MYADM: variants seen among roughly 807,000 people sequenced by gnomAD.
MYADM encodes the protein myeloid-associated differentiation marker.
For synonymous variants in MYADM, 224 were observed against 210.2 expected, an observed-to-expected ratio of 1.07 and a Z score of -0.57; for missense variants, 416 against 443.4, an observed-to-expected ratio of 0.94 and a Z score of 0.56.
At position 53,875,403 on chromosome 19, in the gene MYADM, C is replaced by G. The variant is rs527342689; in HGVS notation, c.*905C>G. 1 of 166,832 alleles carries G rather than the reference C, an allele frequency of 6.0e-6. No individual in the cohort carries two copies. The allele number at this position is 166,832 out of a possible 1,614,324, so 10.3% of individuals were successfully genotyped here. On this transcript the variant is annotated 3_prime_UTR_variant, in exon 3 of 3. Transcript: ENST00000391770. ...GCACCGACCCTGGGTCCCTAGGCCC[C>G]GCCTGGCACTCAGCCTTGCCAGAGA...
rs899769786 is a variant in MYADM at position 53,874,449 on chromosome 19, A to G, written c.920A>G (p.Tyr307Cys). 2 of 1,613,674 alleles carry G rather than the reference A, an allele frequency of 1.2e-6. No homozygotes were observed. The highest frequency in any genetic ancestry group is 1.7e-6 in the Non-Finnish European group (2 of 1,179,764). Residue 307 changes from tyrosine (Y) to cysteine (C), a missense_variant, in exon 3 of 3, where the codon TAT (tyrosine) becomes TGT (cysteine). Physicochemically the swap from Tyr to Cys is radical, Grantham distance 194 (BLOSUM62 -2). Coordinates refer to ENST00000391770, the MANE Select transcript of MYADM (RefSeq NM_138373.5). Reference sequence around the variant, plus strand: ...CTGACGGCCATCAACCTACTGGCGTATGTGGCTGACCTGGTGCACTCTGCC... The same window carrying G: ...CTGACGGCCATCAACCTACTGGCGTGTGTGGCTGACCTGGTGCACTCTGCC... ...AILTAINLLA[Y>C]VADLVHSAHL...
In MYADM at chr19:53,873,481, C is replaced by G. The variant is rs1438375726; in HGVS notation, c.-2-47C>G. The G allele has an allele frequency of 2.0e-6, 3 of 1,529,952 alleles. No individual in the cohort carries two copies. The African/African-American group carries it at 4.2e-5, about 21-fold the overall frequency. The allele number at this position is 1,529,952 out of a possible 1,614,324, so 94.8% of individuals were successfully genotyped here. ...AGGCAATGGCTAAGGGACCTGGATTCTTATGTTTGTGACTGTATAAGGACA... is the reference window on the plus strand; with the variant it reads ...AGGCAATGGCTAAGGGACCTGGATTGTTATGTTTGTGACTGTATAAGGACA... On this transcript the variant is annotated intron_variant, in intron 2 of 2. Coordinates refer to ENST00000391770, the MANE Select transcript of MYADM (RefSeq NM_138373.5). This position sits in a 1 kb window ranked among gnomAD's most constrained non-coding sequence, Gnocchi z 4.3.
At chr19:53,867,102 A>G (rs1169275690), upstream of MYADM, among the ~76,000 whole-genome samples, 1 of 152,178 alleles carries the variant, frequency 6.6e-6, no homozygotes, top group Admixed American at 6.5e-5. Flanking sequence ...CCACTGTGAT[A>G]TCTGAGACCT....
intron 2 of MYADM, among the ~76,000 whole-genome samples, chr19:53,871,227 T>TA (rs1568732150): frequency 6.6e-6 from 1 of 151,598 alleles, no homozygotes; most frequent in Non-Finnish European, 1.5e-5. Flanking sequence ...CGACTCCATG[T>TA]AAAAAAAACA....
At chr19:53,870,430 G>T (rs1487026153) in intron 2 of MYADM, among the ~76,000 whole-genome samples, 1 of 149,910 alleles carries the variant, frequency 6.7e-6, no homozygotes, top group Non-Finnish European at 1.5e-5. Context: ...TCCTGGGTCT[G>T]AGGGAGGAGG....
rs2068289071 is a variant in MYADM, at chr19:53,868,627, C to T, written c.-88+684C>T. Among the ~76,000 whole-genome samples, 1 of 152,032 alleles carries T rather than the reference C, an allele frequency of 6.6e-6. No homozygotes were observed. Among genetic ancestry groups the T allele is most frequent in the Non-Finnish European group, 1.5e-5 (1 of 68,000 alleles). ...GTCCCGCACCTCTGGGTGCCGAGAGCCGAAGCTGGGGTTCCGGGGCCCGAT... is the reference window on the plus strand; with the variant it reads ...GTCCCGCACCTCTGGGTGCCGAGAGTCGAAGCTGGGGTTCCGGGGCCCGAT... On this transcript the variant is annotated intron_variant, in intron 1 of 2. Coordinates refer to ENST00000391770, the MANE Select transcript of MYADM (RefSeq NM_138373.5). The surrounding 1 kb of genome is among the most constrained non-coding windows in gnomAD (Gnocchi z 6.3).
rs2068444830 is a variant in MYADM, at chr19:53,873,701, G to T, written c.172G>T (p.Gly58Cys). ...GGCCTTCTCGCTGGTGGCTAGCGTG[G>T]GCGCCTGGACGGGGTCCATGGGCAA... ...CVAFSLVASV[G>C]AWTGSMGNWS... The change falls in exon 3 of 3, where the codon GGC becomes TGC. Residue 58 changes from glycine to cysteine, a missense_variant. Transcript: ENST00000391770. The surrounding 1 kb of genome is among the most constrained non-coding windows in gnomAD (Gnocchi z 4.3). 2.5e-6 allele frequency: 4 copies of T among 1,613,924 alleles called. No homozygotes were observed. The highest frequency in any genetic ancestry group is 3.4e-6 in the Non-Finnish European group (4 of 1,179,952).
At chr19:53,870,929 C>T (rs1001738216) in intron 2 of MYADM, among the ~76,000 whole-genome samples, 1 of 152,076 alleles carries the variant, frequency 6.6e-6, no homozygotes, top group Non-Finnish European at 1.5e-5. Flanking sequence ...AGGTCTGACC[C>T]CTTATAACAG....
Position 53,874,528 on chromosome 19 carries a change from C to T in MYADM, c.*30C>T. The T allele has an allele frequency of 6.5e-7, 1 of 1,543,160 alleles. No homozygotes were observed. Among genetic ancestry groups the T allele is most frequent in the Non-Finnish European group, 8.7e-7 (1 of 1,146,138 alleles). On this transcript the variant is annotated 3_prime_UTR_variant, in exon 3 of 3. Transcript: ENST00000391770. ...CTCCCAAGAGGCTCCCGTTCCCTCT[C>T]CAACCTCTTTGTTCTTCTTGCCCGA...
At chr19:53,869,259 T>C (rs1358561626) in intron 1 of MYADM, 1 of 152,154 alleles carries the variant, frequency 6.6e-6, no homozygotes, top group Non-Finnish European at 1.5e-5. Context: ...TCTCAGCCCA[T>C]GTTTATAGGG....
chr19:53,874,543 T>G lies in MYADM; in HGVS notation c.*45T>G. The G allele has an allele frequency of 2.0e-6, 3 of 1,516,768 alleles. No individual in the cohort carries two copies. Among genetic ancestry groups the G allele is most frequent in the Non-Finnish European group, 2.6e-6 (3 of 1,133,484 alleles). The allele number at this position is 1,516,768 out of a possible 1,614,324, so 94.0% of individuals were successfully genotyped here. A position where few individuals can be genotyped will look rare whatever the true frequency, so the allele number is the denominator to read the frequency against. On this transcript the variant is annotated 3_prime_UTR_variant, in exon 3 of 3. Transcript: ENST00000391770. ...CGTTCCCTCTCCAACCTCTTTGTTC[T>G]TCTTGCCCGAGTTTTCTTTATGGAG... is the stretch of plus-strand genomic sequence containing the variant.
rs2068461507 is a variant in MYADM, at chr19:53,874,073, T to C, written c.544T>C (p.Phe182Leu). ...CGGGCTGCTGAAGGTGCTGGAGACCTTCGTTGCCTGCATCATCTTCGCGTT... is the reference window on the plus strand; with the variant it reads ...CGGGCTGCTGAAGGTGCTGGAGACCCTCGTTGCCTGCATCATCTTCGCGTT... ...VPGLLKVLET[F>L]VACIIFAFIS... Residue 182 changes from phenylalanine (F) to leucine (L), a missense_variant, in exon 3 of 3, where the codon TTC (phenylalanine) becomes CTC (leucine). By Grantham distance (22) the Phe-to-Leu change is conservative. Coordinates refer to ENST00000391770, the MANE Select transcript of MYADM (RefSeq NM_138373.5). 1 of 1,611,062 alleles carries C rather than the reference T, an allele frequency of 6.2e-7. No individual in the cohort carries two copies. The highest frequency in any genetic ancestry group is 1.1e-5 in the South Asian group (1 of 91,096).
chr19:53,867,304 G>A (rs2068259144), upstream of MYADM, among the ~76,000 whole-genome samples: 2 of 152,070 alleles, frequency 1.3e-5, no homozygotes. Context: ...TCTCCCTCAG[G>A]GCTCCAAGAG....
In MYADM at chr19:53,874,525, T is replaced by C; in HGVS notation, c.*27T>C. The C allele has an allele frequency of 1.3e-6, 2 of 1,542,956 alleles. No homozygotes were observed. The highest frequency in any genetic ancestry group is 1.2e-5 in the South Asian group (1 of 81,244). ...ACTCTCCCAAGAGGCTCCCGTTCCC[T>C]CTCCAACCTCTTTGTTCTTCTTGCC... is the stretch of plus-strand genomic sequence containing the variant. On this transcript the variant is annotated 3_prime_UTR_variant, in exon 3 of 3. Transcript: ENST00000391770.
chr19:53,869,073 G>A (rs982624999), intron 1 of MYADM: 1 of 152,318 alleles, frequency 6.6e-6, no homozygotes, highest in Non-Finnish European at 1.5e-5. Flanking sequence ...CTGGCTCCGG[G>A]TGGAGCCTCC....
rs2068456054 is a variant in MYADM at position 53,873,957 on chromosome 19, TCTC to T, written c.431_433del (p.Ser144del). 1.9e-6 allele frequency: 3 copies of T among 1,610,410 alleles called. No individual in the cohort carries two copies. The highest frequency in any genetic ancestry group is 1.7e-5 in the Admixed American group (1 of 60,024). On this transcript the variant is annotated inframe_deletion, in exon 3 of 3. Coordinates refer to ENST00000391770, the MANE Select transcript of MYADM (RefSeq NM_138373.5). This position sits in a 1 kb window ranked among gnomAD's most constrained non-coding sequence, Gnocchi z 4.3. ...GACCACGCCATCGCCGCCACCTTCT[TCTC>T]CTGCATCGCGTGTGTGGCTTACGCC... is the stretch of plus-strand genomic sequence containing the variant.
intron 2 of MYADM, among the ~76,000 whole-genome samples, chr19:53,870,903 A>C (rs891704814): frequency 1.3e-5 from 2 of 152,180 alleles, no homozygotes; most frequent in Non-Finnish European, 2.9e-5. Flanking sequence ...CCTTCAGGCT[A>C]AGGGTCCAGG....
At chr19:53,871,475 TAGACTG>T (rs1036487123) in intron 2 of MYADM, among the ~76,000 whole-genome samples, 29 of 151,922 alleles carry the variant, frequency 1.9e-4, no homozygotes, top group African/African-American at 6.5e-4. Flanking sequence ...AGGTGGGAGT[TAGACTG>T]AGAGTGAAGG....
rs895389338 is a variant in MYADM, at chr19:53,873,698, G to T, written c.169G>T (p.Val57Leu). 5.6e-6 allele frequency: 9 copies of T among 1,613,900 alleles called. No individual in the cohort carries two copies. Among genetic ancestry groups the T allele is most frequent in the African/African-American group, 1.3e-5 (1 of 74,928 alleles). Residue 57 changes from valine to leucine, a missense_variant, in exon 3 of 3, where the codon GTG (valine) becomes TTG (leucine). Transcript: ENST00000391770. This position sits in a 1 kb window ranked among gnomAD's most constrained non-coding sequence, Gnocchi z 4.3. The part of the protein sequence containing the change: ...TCVAFSLVAS[V>L]GAWTGSMGNW... Reference sequence around the variant, plus strand: ...CGTGGCCTTCTCGCTGGTGGCTAGCGTGGGCGCCTGGACGGGGTCCATGGG... The same window carrying T: ...CGTGGCCTTCTCGCTGGTGGCTAGCTTGGGCGCCTGGACGGGGTCCATGGG...
Sources: gnomAD v4.1 joint callset for allele counts (sites outside exome capture counted in the v4.1 genomes callset) on GRCh38, gnomAD v4.1.1 for gene constraint, Gnocchi (gnomAD v3.1) non-coding constraint, MANE v1.5 for transcripts, NCBI Gene and HGNC (gene_info 2026-07-23, HGNC 2026-07-21) for gene names.